Variants in RAB11FIP3 observed in about 807,000 individuals in gnomAD.
RAB11FIP3 encodes the protein RAB11 family interacting protein 3.
Under a neutral mutation model 77.8 loss-of-function variants are expected in RAB11FIP3, and 17 were observed. The observed-to-expected ratio is 0.22, with a 90% CI of 0.15 to 0.33. RAB11FIP3 has a LOEUF of 0.33. RAB11FIP3 is among the 10% of genes least tolerant of loss of function. The pLI is 1.00. For missense variants in RAB11FIP3, 1,005 were observed against 1,011.2 expected (o/e 0.99, Z 0.08); for synonymous variants, 437 against 448.2 (o/e 0.98, Z 0.31).
intron 5 of RAB11FIP3, chr16:491,243 C>T (rs754023047): frequency 1.1e-5 from 15 of 1,304,794 alleles, no homozygotes; most frequent in Admixed American, 2.3e-5. Flanking sequence ...TCTTTCTGCC[C>T]GCCTGAGTGA....
At chr16:489,975 G>A (rs1487497097) in intron 5 of RAB11FIP3, among the ~76,000 whole-genome samples, 3 of 152,206 alleles carry the variant, frequency 2.0e-5, no homozygotes, top group Non-Finnish European at 2.9e-5. Flanking sequence ...GCTTGTCTTA[G>A]GCACTTTCCT....
chr16:496,796 T>C (rs775104976), intron 5 of RAB11FIP3, 28 bp from the exon 6 acceptor site: 2 of 1,568,664 alleles, frequency 1.3e-6, no homozygotes, highest in Admixed American at 3.3e-5. Context: ...TTCTAACAAT[T>C]TTCCTGTTTA....
intron 4 of RAB11FIP3, 140 bp from the exon 5 acceptor site, chr16:488,711 C>CTTTTT (rs3079539): frequency 6.9e-5 from 40 of 580,986 alleles, no homozygotes; most frequent in Middle Eastern, 5.0e-4. Context: ...ATCCAGCCCA[C>CTTTTT]TTTTTTTTTT....
chr16:488,949 C>G lies in RAB11FIP3; in HGVS notation c.1214C>G (p.Thr405Ser). ...EGSEAELSPE[T>S]LCNGQLGCSD... Reference sequence around the variant, plus strand: ...AGTGAGGCGGAGCTGTCCCCAGAGACCCTATGCAACGGGCAGCTGGGCTGC... The same window carrying G: ...AGTGAGGCGGAGCTGTCCCCAGAGAGCCTATGCAACGGGCAGCTGGGCTGC... The change falls in exon 5 of 14, where the codon ACC becomes AGC. Residue 405 changes from threonine (T) to serine (S), a missense_variant. By Grantham distance (58) the Thr-to-Ser change is moderately conservative (BLOSUM62 1). Coordinates refer to ENST00000262305, the MANE Select transcript of RAB11FIP3 (RefSeq NM_014700.4). The G allele has an allele frequency of 1.9e-6, 3 of 1,614,072 alleles. No individual in the cohort carries two copies. The highest frequency in any genetic ancestry group is 2.5e-6 in the Non-Finnish European group (3 of 1,180,024).
At position 520,989 on chromosome 16, in the gene RAB11FIP3, A is replaced by G. The variant is rs1317472262; in HGVS notation, c.*150A>G. On this transcript the variant is annotated 3_prime_UTR_variant, in exon 14 of 14. Transcript: ENST00000262305. ...CTCGTGCAGCTGAGCTGGGGCCGCC[A>G]AAGACCGGGGCTGCCAAAGGGGCAG... 1.5e-6 allele frequency: 1 copy of G among 678,608 alleles called. No individual in the cohort carries two copies. The highest frequency in any genetic ancestry group is 2.6e-6 in the Non-Finnish European group (1 of 384,772). The allele number at this position is 678,608 out of a possible 1,614,324, so 42.0% of individuals were successfully genotyped here. A position where few individuals can be genotyped will look rare whatever the true frequency, so the allele number is the denominator to read the frequency against.
intron 2 of RAB11FIP3, among the ~76,000 whole-genome samples, chr16:465,974 A>G (rs1301302273): frequency 1.3e-5 from 2 of 152,200 alleles, no homozygotes; most frequent in Non-Finnish European, 2.9e-5. Context: ...AACTCCACGC[A>G]TTTTGAATAA....
At chr16:468,262 G>GGGGCGT (rs2055749454) in intron 2 of RAB11FIP3, among the ~76,000 whole-genome samples, 4 of 101,912 alleles carry the variant, frequency 3.9e-5, no homozygotes, top group Non-Finnish European at 4.2e-5. Flanking sequence ...GGGAGGAGGT[G>GGGGCGT]CAGGGAAGTC....
intron 1 of RAB11FIP3, among the ~76,000 whole-genome samples, chr16:453,748 G>A (rs1249910645): frequency 2.0e-5 from 3 of 151,766 alleles, no homozygotes; most frequent in East Asian, 3.9e-4. Context: ...CTGCCACCAC[G>A]CCCAGCTAAT....
chr16:438,694 T>G (rs2055174642), intron 1 of RAB11FIP3, among the ~76,000 whole-genome samples: 1 of 150,766 alleles, frequency 6.6e-6, no homozygotes, highest in Non-Finnish European at 1.5e-5. Context: ...TTTTAAATTT[T>G]TTTTTTTTTT....
At chr16:500,454 G>T (rs1192718529) in intron 6 of RAB11FIP3, among the ~76,000 whole-genome samples, 2 of 151,980 alleles carry the variant, frequency 1.3e-5, no homozygotes, top group East Asian at 3.9e-4. Context: ...GGGCCGAGGC[G>T]CACAGATCAC....
chr16:433,983 G>A (rs2141845538), intron 1 of RAB11FIP3, among the ~76,000 whole-genome samples: 1 of 152,226 alleles, frequency 6.6e-6, no homozygotes, highest in Middle Eastern at 3.4e-3. Flanking sequence ...GTAAACATGG[G>A]GTGCAGGCAT....
intron 2 of RAB11FIP3, among the ~76,000 whole-genome samples, chr16:462,863 C>T (rs1048397157): frequency 1.3e-4 from 20 of 151,888 alleles, no homozygotes; most frequent in African/African-American, 4.1e-4. Context: ...CAGCACCATC[C>T]CTTCCTCAGC....
chr16:495,677 A>G (rs1288877513), intron 5 of RAB11FIP3, among the ~76,000 whole-genome samples: 1 of 152,220 alleles, frequency 6.6e-6, no homozygotes, highest in Non-Finnish European at 1.5e-5. Flanking sequence ...CTACAGGGCA[A>G]GTAAAAAGGA....
intron 6 of RAB11FIP3, among the ~76,000 whole-genome samples, chr16:501,531 G>C (rs1351353926): frequency 6.8e-6 from 1 of 146,372 alleles, no homozygotes; most frequent in Non-Finnish European, 1.5e-5. Context: ...GCTCGGAGAG[G>C]GTCCCCCATT....
At chr16:458,525 C>T (rs1313389179) in intron 1 of RAB11FIP3, among the ~76,000 whole-genome samples, 2 of 140,572 alleles carry the variant, frequency 1.4e-5, no homozygotes, top group Non-Finnish European at 3.1e-5. Context: ...GGGCCTTCCT[C>T]GGGTTCACCG....
Position 426,548 on chromosome 16 carries a change from C to A in RAB11FIP3, c.542C>A (p.Pro181Gln). 1 of 1,578,802 alleles carries A rather than the reference C, an allele frequency of 6.3e-7. No individual in the cohort carries two copies. Among genetic ancestry groups the A allele is most frequent in the Admixed American group, 1.8e-5 (1 of 54,310 alleles). Reference protein sequence around the residue: ...ELALEQGPGSPPQPSDLSQTH... With the variant: ...ELALEQGPGSQPQPSDLSQTH... ...GCGCTGGAGCAAGGTCCCGGGTCCC[C>A]GCCGCAGCCCTCGGACCTCAGCCAG... The change falls in exon 1 of 14, where the codon CCG becomes CAG. Residue 181 changes from proline to glutamine, a missense_variant. Around this residue, in one of 4 missense-constraint regions of RAB11FIP3, gnomAD observed 466 missense variants for 408.3 expected, o/e 1.14. Transcript: ENST00000262305. This position sits in a 1 kb window ranked among gnomAD's most constrained non-coding sequence, Gnocchi z 5.0.
chr16:508,230 G>A (rs777662172), intron 8 of RAB11FIP3, among the ~76,000 whole-genome samples: 7 of 152,170 alleles, frequency 4.6e-5, no homozygotes, highest in African/African-American at 9.7e-5. Flanking sequence ...CCTCTGACCC[G>A]GTGCTGTGAC....
intron 1 of RAB11FIP3, among the ~76,000 whole-genome samples, chr16:442,159 G>A (rs755827658): frequency 3.8e-4 from 58 of 152,200 alleles, no homozygotes; most frequent in Admixed American, 1.4e-3. Flanking sequence ...TTTAAGAAAC[G>A]GGGTCTCACT....
At chr16:442,402 T>C (rs919855249) in intron 1 of RAB11FIP3, among the ~76,000 whole-genome samples, 2 of 152,226 alleles carry the variant, frequency 1.3e-5, no homozygotes, top group African/African-American at 4.8e-5. Context: ...AACTGAGGTC[T>C]TTTGTTTCAT....
Sources: allele counts gnomAD v4.1 joint callset (sites outside exome capture counted in the v4.1 genomes callset), GRCh38; gene constraint gnomAD v4.1.1; regional missense constraint gnomAD v4.1.1; non-coding constraint Gnocchi (gnomAD v3.1); transcripts MANE v1.5; gene names NCBI Gene and HGNC (gene_info 2026-07-23, HGNC 2026-07-21).